CACNB4: variants seen among roughly 807,000 people sequenced by gnomAD.
The protein encoded by CACNB4 is calcium voltage-gated channel auxiliary subunit beta 4, also known as voltage-dependent L-type calcium channel subunit beta-4.
In CACNB4, 32 loss-of-function variants were observed where a neutral mutation model predicts 71.2. The observed-to-expected ratio is 0.45, with a 90% CI of 0.34 to 0.60. The LOEUF is 0.60. Among genes scored for constraint, CACNB4 ranks in the 20% least tolerant of loss-of-function variants. The pLI is 0.01. For missense variants in CACNB4, 464 were observed against 647.9 expected (o/e 0.72, Z 3.08); for synonymous variants, 231 against 236.9 (o/e 0.97, Z 0.23).
intron 2 of CACNB4, among the ~76,000 whole-genome samples, chr2:152,042,297 T>C (rs1178073921): frequency 6.6e-6 from 1 of 152,246 alleles, no homozygotes; most frequent in African/African-American, 2.4e-5. Flanking sequence ...AGGAACGCTT[T>C]CCAATTCCAT....
chr2:151,991,934 A>G (rs1377826912), intron 2 of CACNB4, among the ~76,000 whole-genome samples: 1 of 152,240 alleles, frequency 6.6e-6, no homozygotes, highest in African/African-American at 2.4e-5. Flanking sequence ...GGAAAAGTCA[A>G]TGAAGAATAC....
intron 9 of CACNB4, among the ~76,000 whole-genome samples, chr2:151,864,033 A>C (rs1334975982): frequency 6.6e-6 from 1 of 152,148 alleles, no homozygotes; most frequent in African/African-American, 2.4e-5. Flanking sequence ...CACATTCACA[A>C]CTGAATACTA....
chr2:151,950,812 G>A (rs781001401), intron 2 of CACNB4, among the ~76,000 whole-genome samples: 3 of 152,202 alleles, frequency 2.0e-5, no homozygotes, highest in Non-Finnish European at 4.4e-5. Flanking sequence ...GAAAGAGAAG[G>A]GAGTGGGCAG....
intron 2 of CACNB4, among the ~76,000 whole-genome samples, chr2:152,032,221 C>T (rs182936854): frequency 2.0e-5 from 3 of 152,254 alleles, no homozygotes; most frequent in South Asian, 2.1e-4. Flanking sequence ...GAATCCCCTT[C>T]CCCCCGTCCA....
At chr2:151,886,865 G>GA (rs948145955) in intron 2 of CACNB4, among the ~76,000 whole-genome samples, 1 of 151,618 alleles carries the variant, frequency 6.6e-6, no homozygotes, top group African/African-American at 2.4e-5. Context: ...ACATATCCCA[G>GA]AAAAAAAGGA....
At chr2:152,020,859 A>G (rs1019899632) in intron 2 of CACNB4, among the ~76,000 whole-genome samples, 7 of 152,232 alleles carry the variant, frequency 4.6e-5, no homozygotes, top group Non-Finnish European at 8.8e-5. Context: ...TGTGCTTTAC[A>G]TAAATGTAAA....
intron 11 of CACNB4, 62 bp from the exon 12 acceptor site, chr2:151,853,605 C>T: frequency 4.3e-6 from 4 of 930,800 alleles, no homozygotes; most frequent in Non-Finnish European, 5.0e-6. Flanking sequence ...TCAAATAAGC[C>T]AGGATCTTTT....
At chr2:151,875,987 T>C (rs2099846111) in intron 5 of CACNB4, among the ~76,000 whole-genome samples, 1 of 133,264 alleles carries the variant, frequency 7.5e-6, no homozygotes, top group African/African-American at 2.8e-5. Flanking sequence ...CTCCCCCACC[T>C]CCCTCCCGGA....
Position 152,067,392 on chromosome 2 carries a change from G to GC in CACNB4, c.147+30937_147+30938insG, listed in dbSNP as rs1191203832. 3.3e-5 allele frequency among the ~76,000 whole-genome samples: 5 copies of GC among 150,378 alleles called. 1 individual carries two copies. The highest frequency in any genetic ancestry group is 1.2e-4 in the African/African-American group (5 of 40,412). On this transcript the variant is annotated intron_variant, in intron 2 of 13. Coordinates refer to ENST00000539935, the MANE Select transcript of CACNB4 (RefSeq NM_000726.5). The stretch of plus-strand genomic sequence containing the variant: ...TTTTATAGAGATGTGTGTGTGTGGG[G>GC]GGGGGGGTGCCTCTCACTGTGTTGC...
chr2:152,025,069 TAATA>T (rs1303500665), intron 2 of CACNB4, among the ~76,000 whole-genome samples: 2 of 151,880 alleles, frequency 1.3e-5, no homozygotes, highest in African/African-American at 4.8e-5. Context: ...AAAATAAAAA[TAATA>T]AATAAATTTT....
intron 9 of CACNB4, chr2:151,866,892 A>T (rs777566620): frequency 2.0e-5 from 3 of 150,502 alleles, no homozygotes; most frequent in Non-Finnish European, 2.9e-5. Flanking sequence ...TGAAATTTGC[A>T]TTCAATTTCT....
intron 4 of CACNB4, 91 bp downstream of exon 4, chr2:151,880,709 T>A: frequency 7.2e-7 from 1 of 1,396,054 alleles, no homozygotes; most frequent in Non-Finnish European, 9.9e-7. Flanking sequence ...TGGCAGCTCC[T>A]TGGGTCTCCT....
At chr2:151,883,917 C>T (rs757187799) in intron 2 of CACNB4, 4 of 185,726 alleles carry the variant, frequency 2.2e-5, no homozygotes, top group Non-Finnish European at 4.5e-5. Context: ...GCAGCCCAGA[C>T]GTGGTCAACA....
chr2:152,000,385 C>T (rs2151778208), intron 2 of CACNB4, among the ~76,000 whole-genome samples: 1 of 152,344 alleles, frequency 6.6e-6, no homozygotes, highest in Non-Finnish European at 1.5e-5. Context: ...TGCATCTAGT[C>T]TTCTCATCTG....
At chr2:152,007,441 A>G (rs963224879) in intron 2 of CACNB4, among the ~76,000 whole-genome samples, 1 of 152,218 alleles carries the variant, frequency 6.6e-6, no homozygotes, top group Non-Finnish European at 1.5e-5. Context: ...ACTACTCTAG[A>G]TATTTCATAT....
chr2:152,028,131 G>T (rs1684079338), intron 2 of CACNB4, among the ~76,000 whole-genome samples: 1 of 152,108 alleles, frequency 6.6e-6, no homozygotes, highest in Admixed American at 6.5e-5. Flanking sequence ...GATGAGGGAA[G>T]AGCAAAGAGG....
chr2:152,083,212 A>ATG (rs201979169), intron 2 of CACNB4, among the ~76,000 whole-genome samples: 243 of 152,256 alleles, frequency 1.6e-3, no homozygotes, highest in African/African-American at 5.7e-3. Context: ...GTGTATATGT[A>ATG]TGTGTGTGTA....
chr2:151,839,459 G>A, intron 13 of CACNB4, 80 bp from the exon 14 acceptor site: 1 of 1,115,272 alleles, frequency 9.0e-7, no homozygotes, highest in Non-Finnish European at 1.3e-6. Context: ...AAAATCATAG[G>A]ATCTGTACAA....
At chr2:151,866,590 T>C (rs536669192) in intron 9 of CACNB4, 5 of 152,374 alleles carry the variant, frequency 3.3e-5, no homozygotes, top group Admixed American at 2.6e-4. Flanking sequence ...GAAGAAGACA[T>C]GTCAGAGTCA....
Sources: allele counts gnomAD v4.1 joint callset (sites outside exome capture counted in the v4.1 genomes callset), GRCh38; gene constraint gnomAD v4.1.1; transcripts MANE v1.5; gene names NCBI Gene and HGNC (gene_info 2026-07-23, HGNC 2026-07-21).